TMEM163: variants seen among roughly 807,000 people sequenced by gnomAD.
The protein encoded by TMEM163 is transmembrane protein 163.
In TMEM163, 17 loss-of-function variants were observed where a neutral mutation model predicts 29.3. The ratio of observed to expected loss-of-function variants is 0.58; its 90% CI spans 0.40 to 0.87. The LOEUF is 0.87. TMEM163 is among the 40% of genes least tolerant of loss of function. The pLI, the probability that TMEM163 is intolerant of heterozygous loss-of-function variation, is 0.00. For synonymous variants in TMEM163, 157 were observed against 160.6 expected (o/e 0.98, Z 0.17); for missense variants, 303 against 381.5 (o/e 0.79, Z 1.71).
At chr2:134,504,075 C>T (rs1027491630) in intron 4 of TMEM163, among the ~76,000 whole-genome samples, 14 of 152,176 alleles carry the variant, frequency 9.2e-5, no homozygotes, top group African/African-American at 1.2e-4. Context: ...AACAAAATCA[C>T]GTTTTATTAT....
chr2:134,554,777 C>T (rs1403854341), intron 2 of TMEM163, among the ~76,000 whole-genome samples: 4 of 152,098 alleles, frequency 2.6e-5, no homozygotes, highest in Non-Finnish European at 2.9e-5. Context: ...TATGCAGGAA[C>T]GATCCGCTTG....
chr2:134,708,463 T>C (rs768114898), intron 2 of TMEM163, among the ~76,000 whole-genome samples: 2 of 152,220 alleles, frequency 1.3e-5, no homozygotes, highest in East Asian at 1.9e-4. Context: ...TAAAATCAAA[T>C]AAATTATTTT....
intron 2 of TMEM163, among the ~76,000 whole-genome samples, chr2:134,630,987 C>G (rs1682954604): frequency 6.7e-6 from 1 of 149,628 alleles, no homozygotes. Context: ...GACAGCCTCA[C>G]TCAGCTAAGT....
rs1378536932 is a variant in TMEM163, at chr2:134,655,599, A to G, written c.322+57601T>C. On this transcript the variant is annotated intron_variant, in intron 2 of 7. Transcript: ENST00000281924. ...TGTTCCGTTGCTGGTGAGGAACTGC[A>G]TTCCTTTGGAGGAGGAGAGGCGCTC... Among the ~76,000 whole-genome samples the G allele has an allele frequency of 1.3e-4, 19 of 141,562 alleles. 1 individual carries two copies. The highest frequency in any genetic ancestry group is 3.9e-4 in the East Asian group (2 of 5,084). 92.9% of individuals were successfully genotyped at this position (141,562 alleles called of 152,430 possible). A position where few individuals can be genotyped will look rare whatever the true frequency, so the allele number is the denominator to read the frequency against.
chr2:134,528,224 G>A (rs1411785011), intron 4 of TMEM163, among the ~76,000 whole-genome samples: 1 of 152,218 alleles, frequency 6.6e-6, no homozygotes, highest in Non-Finnish European at 1.5e-5. Context: ...TGGGAAATGG[G>A]TCTTGGTGTT....
Position 134,475,989 on chromosome 2 carries a change from T to G in TMEM163, c.556-9764A>C, listed in dbSNP as rs745895036. Among the ~76,000 whole-genome samples the G allele has an allele frequency of 5.7e-4, 86 of 152,204 alleles. 2 individuals are homozygous for G. Among genetic ancestry groups the G allele is most frequent in the Non-Finnish European group, 1.3e-4 (9 of 68,026 alleles). On this transcript the variant is annotated intron_variant, in intron 5 of 7. Coordinates refer to ENST00000281924, the MANE Select transcript of TMEM163 (RefSeq NM_030923.5). ...TTCAGCAATTCTACTCCAAGAGAAA[T>G]GAAGGCATACGTCCACACGAAGACT... is the stretch of plus-strand genomic sequence containing the variant.
intron 2 of TMEM163, among the ~76,000 whole-genome samples, chr2:134,617,471 G>A (rs746635414): frequency 1.8e-4 from 28 of 151,992 alleles, no homozygotes; most frequent in African/African-American, 6.3e-4. Flanking sequence ...GTGTGGTGGC[G>A]GGCACCTGTA....
Position 134,456,495 on chromosome 2 carries a change from A to C in TMEM163, c.*221T>G. On this transcript the variant is annotated 3_prime_UTR_variant, in exon 8 of 8. Transcript: ENST00000281924. ...CGCCAGTCCCAGCTGGAGACGGGGAAGGAGGTCCATTCCTATGGGCATTGT... is the reference window on the plus strand; with the variant it reads ...CGCCAGTCCCAGCTGGAGACGGGGACGGAGGTCCATTCCTATGGGCATTGT... 1.7e-6 allele frequency: 1 copy of C among 574,464 alleles called. No homozygotes were observed. Among genetic ancestry groups the C allele is most frequent in the Non-Finnish European group, 3.1e-6 (1 of 319,678 alleles). 35.6% of individuals were successfully genotyped at this position (574,464 alleles called of 1,614,324 possible).
chr2:134,561,566 G>C (rs915539368), intron 2 of TMEM163, among the ~76,000 whole-genome samples: 1 of 152,156 alleles, frequency 6.6e-6, no homozygotes, highest in African/African-American at 2.4e-5. Context: ...AGCCAGGATG[G>C]TCTCGATCTC....
At chr2:134,709,711 G>C (rs971104339) in intron 2 of TMEM163, among the ~76,000 whole-genome samples, 1 of 152,174 alleles carries the variant, frequency 6.6e-6, no homozygotes, top group Non-Finnish European at 1.5e-5. Context: ...AACCTGAAAA[G>C]CTGTTTCCAG....
intron 2 of TMEM163, among the ~76,000 whole-genome samples, chr2:134,666,246 A>G (rs921017233): frequency 6.6e-5 from 10 of 150,782 alleles, no homozygotes; most frequent in African/African-American, 1.2e-4. Flanking sequence ...ATCTCCCCCA[A>G]TCCTTTCCCA....
At position 134,504,468 on chromosome 2, in the gene TMEM163, T is replaced by G. The variant is rs1416244615; in HGVS notation, c.459-1471A>C. 2.4e-4 allele frequency among the ~76,000 whole-genome samples: 35 copies of G among 144,844 alleles called. No homozygotes were observed. In the Admixed American group the frequency reaches 2.4e-3, roughly 10 times the overall value. ...AGGCTCTGCAAAAAAAAATGAAACA[T>G]TGAGGATCTTACCTGGGAGAACTCC... On this transcript the variant is annotated intron_variant, in intron 4 of 7. Coordinates refer to ENST00000281924, the MANE Select transcript of TMEM163 (RefSeq NM_030923.5).
chr2:134,531,530 G>A (rs1680416314), intron 4 of TMEM163, among the ~76,000 whole-genome samples: 1 of 152,308 alleles, frequency 6.6e-6, no homozygotes, highest in Admixed American at 6.5e-5. Flanking sequence ...CACTGGCTAG[G>A]AATTAGGGTT....
At chr2:134,595,646 G>A (rs1027362590) in intron 2 of TMEM163, among the ~76,000 whole-genome samples, 11 of 152,232 alleles carry the variant, frequency 7.2e-5, no homozygotes, top group Middle Eastern at 3.4e-3. Flanking sequence ...TTCGATGGCC[G>A]GGTCAAATGG....
At position 134,552,225 on chromosome 2, in the gene TMEM163, G is replaced by A. The variant is rs185712303; in HGVS notation, c.323-134C>T. The A allele has an allele frequency of 1.5e-4, 92 of 620,026 alleles. No homozygotes were observed. The East Asian group carries it at 1.8e-3, about 12-fold the overall frequency. The allele number at this position is 620,026 out of a possible 1,614,324, so 38.4% of individuals were successfully genotyped here. ...ACAAAACCAAAAATTAACTGTACTTGTAAAATCTAAGAATTTTTAAAAATG... is the reference window on the plus strand; with the variant it reads ...ACAAAACCAAAAATTAACTGTACTTATAAAATCTAAGAATTTTTAAAAATG... On this transcript the variant is annotated intron_variant, in intron 2 of 7. Coordinates refer to ENST00000281924, the MANE Select transcript of TMEM163 (RefSeq NM_030923.5).
intron 2 of TMEM163, among the ~76,000 whole-genome samples, chr2:134,632,439 T>C (rs1682987691): frequency 6.6e-6 from 1 of 152,246 alleles, no homozygotes; most frequent in Admixed American, 6.5e-5. Flanking sequence ...TCACTGACTA[T>C]GTCAAGAAGG....
At chr2:134,615,323 T>C (rs1476335932) in intron 2 of TMEM163, among the ~76,000 whole-genome samples, 1 of 152,214 alleles carries the variant, frequency 6.6e-6, no homozygotes, top group Non-Finnish European at 1.5e-5. Context: ...GGTGGAAGAA[T>C]GGTGAAATCA....
At chr2:134,715,606 A>G (rs999654195) in intron 1 of TMEM163, among the ~76,000 whole-genome samples, 9 of 152,180 alleles carry the variant, frequency 5.9e-5, no homozygotes, top group African/African-American at 2.2e-4. Flanking sequence ...TGCACTCCTC[A>G]AGGGGAAGTG....
At chr2:134,457,567 G>A (rs759273646) in intron 7 of TMEM163, among the ~76,000 whole-genome samples, 7 of 152,202 alleles carry the variant, frequency 4.6e-5, no homozygotes, top group East Asian at 1.9e-4. Context: ...ATGCCAGCAC[G>A]GCCTTTCTGC....
Sources: allele counts gnomAD v4.1 joint callset (sites outside exome capture counted in the v4.1 genomes callset), GRCh38; gene constraint gnomAD v4.1.1; transcripts MANE v1.5; gene names NCBI Gene and HGNC (gene_info 2026-07-23, HGNC 2026-07-21).